PPP2R2B: variants seen among roughly 807,000 people sequenced by gnomAD.
PPP2R2B encodes protein phosphatase 2 regulatory subunit Bbeta.
Under a neutral mutation model 46.0 loss-of-function variants are expected in PPP2R2B, and 5 were observed. The observed-to-expected ratio is 0.11, with a 90% confidence interval of 0.06 to 0.23. The LOEUF is 0.23. Ranked by LOEUF, PPP2R2B falls within the 10% of genes least tolerant of loss-of-function variation. The pLI, the probability that PPP2R2B is intolerant of heterozygous loss-of-function variation, is 1.00. For missense variants in PPP2R2B, 367 were observed against 575.0 expected (o/e 0.64, Z 3.70); for synonymous variants, 215 against 206.7 (o/e 1.04, Z -0.34).
At chr5:146,798,935 T>C (rs1756699980) in intron 2 of PPP2R2B, among the ~76,000 whole-genome samples, 1 of 152,198 alleles carries the variant, frequency 6.6e-6, no homozygotes, top group African/African-American at 2.4e-5. Context: ...TTTAAAGGGA[T>C]CTAGTCAGGC....
intron 2 of PPP2R2B, among the ~76,000 whole-genome samples, chr5:146,766,580 G>A (rs1754491031): frequency 6.6e-6 from 1 of 152,216 alleles, no homozygotes; most frequent in Non-Finnish European, 1.5e-5. Context: ...CTTTCCCTGA[G>A]TAATTTCACT....
chr5:146,892,389 C>T (rs939598315), intron 1 of PPP2R2B, among the ~76,000 whole-genome samples: 2 of 152,152 alleles, frequency 1.3e-5, no homozygotes, highest in Admixed American at 1.3e-4. Context: ...TCCTGTAAAC[C>T]CTTCCCTAGC....
chr5:146,983,130 A>T (rs1753251703), intron 1 of PPP2R2B, among the ~76,000 whole-genome samples: 2 of 142,180 alleles, frequency 1.4e-5, no homozygotes, highest in South Asian at 4.5e-4. Context: ...TTACTTGAAC[A>T]TTTTTTAGAA....
intron 2 of PPP2R2B, among the ~76,000 whole-genome samples, chr5:146,758,851 T>C (rs771635703): frequency 3.3e-5 from 5 of 152,198 alleles, no homozygotes; most frequent in Non-Finnish European, 5.9e-5. Flanking sequence ...ACATTTATGA[T>C]AGCACAGGCC....
At chr5:147,054,499 T>A in intron 1 of PPP2R2B, 1 of 394,744 alleles carries the variant, frequency 2.5e-6, no homozygotes, top group Non-Finnish European at 5.1e-6. Flanking sequence ...AAAAAGTCCA[T>A]GAGATATCAA....
At chr5:146,602,041 T>C (rs1431306195) in intron 7 of PPP2R2B, among the ~76,000 whole-genome samples, 1 of 152,216 alleles carries the variant, frequency 6.6e-6, no homozygotes, top group Admixed American at 6.5e-5. Context: ...ATTCATTGCC[T>C]GATTCTTTCT....
At chr5:146,822,464 T>A (rs1357666743) in intron 2 of PPP2R2B, among the ~76,000 whole-genome samples, 1 of 152,082 alleles carries the variant, frequency 6.6e-6, no homozygotes, top group Non-Finnish European at 1.5e-5. Context: ...CATTCATTAC[T>A]GCTCCAGGGC....
chr5:147,000,458 T>A (rs886444603), intron 1 of PPP2R2B, among the ~76,000 whole-genome samples: 1 of 152,168 alleles, frequency 6.6e-6, no homozygotes, highest in South Asian at 2.1e-4. Flanking sequence ...ACAAGCTATG[T>A]AGCCTTGTGG....
intron 1 of PPP2R2B, among the ~76,000 whole-genome samples, chr5:147,011,976 T>C (rs1754757103): frequency 7.0e-6 from 1 of 143,690 alleles, no homozygotes. Context: ...TGGATTCGGT[T>C]TGCCAGTATT....
intron 1 of PPP2R2B, among the ~76,000 whole-genome samples, chr5:146,997,044 G>A (rs901027627): frequency 4.6e-5 from 7 of 152,102 alleles, no homozygotes; most frequent in Non-Finnish European, 8.8e-5. Context: ...ACTCAAACAC[G>A]GGATTGCACC....
At chr5:147,019,778 G>A (rs1414832938) in intron 1 of PPP2R2B, among the ~76,000 whole-genome samples, 15 of 152,158 alleles carry the variant, frequency 9.9e-5, no homozygotes, top group Admixed American at 7.2e-4. Flanking sequence ...TGTAAGAGAT[G>A]TTAAAGCCAT....
intron 1 of PPP2R2B, among the ~76,000 whole-genome samples, chr5:146,947,388 C>T (rs1764516720): frequency 6.6e-6 from 1 of 152,082 alleles, no homozygotes; most frequent in Non-Finnish European, 1.5e-5. Context: ...TCAGGATCAA[C>T]AGGGACCAGC....
intron 6 of PPP2R2B, among the ~76,000 whole-genome samples, chr5:146,649,855 G>A (rs1430293841): frequency 2.6e-5 from 4 of 152,166 alleles, no homozygotes; most frequent in African/African-American, 9.7e-5. Flanking sequence ...AAAGAGGCAT[G>A]ATGGGGGCTT....
At chr5:146,763,733 A>C (rs1754303244) in intron 2 of PPP2R2B, among the ~76,000 whole-genome samples, 1 of 152,024 alleles carries the variant, frequency 6.6e-6, no homozygotes, top group African/African-American at 2.4e-5. Context: ...TAAGACAAGG[A>C]CCCTTCTTTC....
intron 2 of PPP2R2B, among the ~76,000 whole-genome samples, chr5:146,719,774 A>G (rs1326241755): frequency 7.5e-6 from 1 of 134,012 alleles, no homozygotes; most frequent in East Asian, 1.9e-4. Flanking sequence ...TAGCCCACAC[A>G]AAGGTTTCCA....
chr5:147,079,392 GATAT>G (rs1408852248), intron 2 of PPP2R2B, among the ~76,000 whole-genome samples: 1 of 142,520 alleles, frequency 7.0e-6, no homozygotes, highest in Non-Finnish European at 1.5e-5. Flanking sequence ...TATAAAATGG[GATAT>G]ATAATATATA....
chr5:146,821,789 AG>A (rs1758277716), intron 2 of PPP2R2B, among the ~76,000 whole-genome samples: 2 of 151,550 alleles, frequency 1.3e-5, no homozygotes. Flanking sequence ...AAAAAAAAAA[AG>A]CTTAATTACA....
Position 146,878,321 on chromosome 5 carries a change from C to A in PPP2R2B, c.-124-126G>T. 1 of 1,439,790 alleles carries A rather than the reference C, an allele frequency of 6.9e-7. No homozygotes were observed. The highest frequency in any genetic ancestry group is 2.8e-5 in the Admixed American group (1 of 35,582). 89.2% of individuals were successfully genotyped at this position (1,439,790 alleles called of 1,614,324 possible). A position where few individuals can be genotyped will look rare whatever the true frequency, so the allele number is the denominator to read the frequency against. ...CCGCGCGGTGCGCTCACTCCAGCTCCAGTTCCCAGCGAGGATGCTGCGCCT... is the reference window on the plus strand; with the variant it reads ...CCGCGCGGTGCGCTCACTCCAGCTCAAGTTCCCAGCGAGGATGCTGCGCCT... On this transcript the variant is annotated intron_variant, in intron 1 of 9. Transcript: ENST00000394411. The surrounding 1 kb of genome is among the most constrained non-coding windows in gnomAD (Gnocchi z 4.5).
At chr5:146,748,431 C>CA (rs1273491483) in intron 2 of PPP2R2B, among the ~76,000 whole-genome samples, 1 of 152,144 alleles carries the variant, frequency 6.6e-6, no homozygotes, top group Non-Finnish European at 1.5e-5. Flanking sequence ...GAGATACAGA[C>CA]AATTTCCATC....
Sources: gnomAD v4.1 joint callset for allele counts (sites outside exome capture counted in the v4.1 genomes callset) on GRCh38, gnomAD v4.1.1 for gene constraint, Gnocchi (gnomAD v3.1) non-coding constraint, MANE v1.5 for transcripts, NCBI Gene and HGNC (gene_info 2026-07-23, HGNC 2026-07-21) for gene names.